ATM: variants seen among roughly 807,000 people sequenced by gnomAD.
ATM encodes serine-protein kinase ATM.
A neutral mutation model predicts 387.0 loss-of-function variants in ATM; 308 were observed. That is an observed-to-expected ratio of 0.80 (90% CI 0.73 to 0.87). ATM has a LOEUF of 0.87. Ranked by LOEUF, ATM falls within the 40% of genes least tolerant of loss-of-function variation. The probability of loss-of-function intolerance (pLI) is 0.00; values close to 1 mark genes in which losing one functional copy is unlikely to be tolerated. For synonymous variants in ATM, 1,156 were observed against 1,187.3 expected (o/e 0.97, Z 0.54); for missense variants, 3,312 against 3,560.9 (o/e 0.93, Z 1.78).
chr11:108,338,163 A>G (rs919924483), intron 56 of ATM, among the ~76,000 whole-genome samples: 4 of 152,230 alleles, frequency 2.6e-5, no homozygotes, highest in African/African-American at 9.6e-5. Context: ...AGCCTGGCCA[A>G]CATGGCCAAA....
Position 108,301,754 on chromosome 11 carries a change from G to A in ATM, c.5284G>A (p.Ala1762Thr), listed in dbSNP as rs2083444037. Residue 1762 changes from alanine (A) to threonine (T), a missense_variant, in exon 35 of 63, where the codon GCC becomes ACC. Physicochemically the swap from Ala to Thr is moderately conservative, Grantham distance 58. This residue lies in a region of ATM where 1,405 missense variants were observed against 1,604.4 expected (regional missense o/e 0.88). Coordinates refer to ENST00000675843, the MANE Select transcript of ATM (RefSeq NM_000051.4). ...TAAGATGACAACAGATCCAATGCTGGCCTATCTACAGCCTTTTAGAACATC... is the reference window on the plus strand; with the variant it reads ...TAAGATGACAACAGATCCAATGCTGACCTATCTACAGCCTTTTAGAACATC... ...IYKMTTDPMLAYLQPFRTSRK... is the reference protein window; with the variant it reads ...IYKMTTDPMLTYLQPFRTSRK... 6.2e-7 allele frequency: 1 copy of A among 1,613,594 alleles called. No individual in the cohort carries two copies. The highest frequency in any genetic ancestry group is 8.5e-7 in the Non-Finnish European group (1 of 1,179,730).
intron 1 of ATM, chr11:108,225,999 G>T (rs1417548726): frequency 6.6e-6 from 1 of 151,998 alleles, no homozygotes; most frequent in Non-Finnish European, 1.5e-5. Flanking sequence ...TACTTCTTGA[G>T]ATATAGTTAT....
At chr11:108,339,069 A>G (rs2087180908) in intron 56 of ATM, among the ~76,000 whole-genome samples, 1 of 152,208 alleles carries the variant, frequency 6.6e-6, no homozygotes, top group African/African-American at 2.4e-5. Flanking sequence ...GGCATGCCAG[A>G]TATCTCTTGT....
At position 108,359,837 on chromosome 11, in the gene ATM, G is replaced by T. The variant is rs182456798; in HGVS notation, c.8850+4963G>T. Among the ~76,000 whole-genome samples, 1,216 of 152,162 alleles carry T rather than the reference G, an allele frequency of 8.0e-3. 8 individuals are homozygous for T. Among genetic ancestry groups the T allele is most frequent in the African/African-American group, 0.025 (1,037 of 41,510 alleles). On this transcript the variant is annotated intron_variant, in intron 61 of 62. Transcript: ENST00000675843. ...TTTATAGCACTAAATGCCCACAAGA[G>T]AAAGCAGGAAAGATCCAAAACTGAC...
intron 16 of ATM, 122 bp from the exon 17 acceptor site, chr11:108,267,049 G>C (rs546030478): frequency 1.0e-6 from 1 of 983,076 alleles, no homozygotes; most frequent in Non-Finnish European, 1.6e-6. Context: ...ACCTGGCTCT[G>C]CCTCCCAAAT....
At chr11:108,243,322 A>G (rs1012463151) in intron 5 of ATM, among the ~76,000 whole-genome samples, 7 of 151,378 alleles carry the variant, frequency 4.6e-5, no homozygotes, top group Non-Finnish European at 1.0e-4. Context: ...TATTTTAAAA[A>G]ACTGTGGAGG....
At chr11:108,288,924 A>G in intron 27 of ATM, 53 bp from the exon 28 acceptor site, 1 of 1,608,850 alleles carries the variant, frequency 6.2e-7, no homozygotes. Context: ...TCACTGGTCT[A>G]TGAACAAAAC....
In ATM at chr11:108,267,354, T is replaced by C. The variant is rs769172505; in HGVS notation, c.2638+12T>C. 6.2e-7 allele frequency: 1 copy of C among 1,612,922 alleles called. No homozygotes were observed. Among genetic ancestry groups the C allele is most frequent in the South Asian group, 1.1e-5 (1 of 91,030 alleles). Reference sequence around the variant, plus strand: ...CCAAAGTACCATAGGTAAATACATATTTACTACTTGGGATTTCTTTTACTT... The same window carrying C: ...CCAAAGTACCATAGGTAAATACATACTTACTACTTGGGATTTCTTTTACTT... On this transcript the variant is annotated intron_variant, in intron 17 of 62. Coordinates refer to ENST00000675843, the MANE Select transcript of ATM (RefSeq NM_000051.4).
chr11:108,348,238 T>A (rs1182707837), intron 59 of ATM, among the ~76,000 whole-genome samples: 5 of 151,574 alleles, frequency 3.3e-5, no homozygotes. Context: ...ATATAGACAG[T>A]TTAATATAAA....
Position 108,253,824 on chromosome 11 carries a change from CA to C in ATM, c.1914del (p.Asp639IlefsTer10), listed in dbSNP as rs2080292910. On this transcript the variant is annotated frameshift_variant, in exon 13 of 63. Transcript: ENST00000675843. LOFTEE classifies it high-confidence loss of function. ...FQSVPECEHHQKDKEELSFSE... is the reference protein window; with the variant it reads ...FQSVPECEHHXKDKEELSFSE... Reference sequence around the variant, plus strand: ...CTTACTTTCTTGAAGTGAACACCACCAAAAAGATAAAGAAGAACTTTCATTC... The same window carrying C: ...CTTACTTTCTTGAAGTGAACACCACCAAAAGATAAAGAAGAACTTTCATTC... 6.2e-7 allele frequency: 1 copy of C among 1,613,148 alleles called. No homozygotes were observed. Among genetic ancestry groups the C allele is most frequent in the Non-Finnish European group, 8.5e-7 (1 of 1,179,700 alleles).
At chr11:108,258,861 A>ATCTT in intron 15 of ATM, 125 bp from the exon 16 acceptor site, 1 of 718,800 alleles carries the variant, frequency 1.4e-6, no homozygotes, top group South Asian at 1.6e-5. Context: ...TTGAAGCAGC[A>ATCTT]TATATATTGG....
chr11:108,247,846 G>A (rs374899090), intron 8 of ATM, among the ~76,000 whole-genome samples: 42 of 151,268 alleles, frequency 2.8e-4, no homozygotes, highest in South Asian at 6.3e-4. Flanking sequence ...CTCCTGCATC[G>A]GCCTCCCATA....
At chr11:108,278,498 T>G (rs962047302) in intron 22 of ATM, among the ~76,000 whole-genome samples, 1 of 152,172 alleles carries the variant, frequency 6.6e-6, no homozygotes, top group African/African-American at 2.4e-5. Flanking sequence ...TTGTTAGATT[T>G]TGTCTTAGTC....
intron 1 of ATM, chr11:108,226,278 T>G (rs185383062): frequency 6.6e-6 from 1 of 152,288 alleles, no homozygotes; most frequent in East Asian, 1.9e-4. Flanking sequence ...TAGGTAGCCC[T>G]TCAAGCCATA....
chr11:108,260,960 T>C (rs1197239957), intron 16 of ATM, among the ~76,000 whole-genome samples: 2 of 152,194 alleles, frequency 1.3e-5, no homozygotes, highest in African/African-American at 2.4e-5. Context: ...CACGAGATTA[T>C]ATCCCGCACC....
At chr11:108,300,775 C>A (rs1359706550) in intron 34 of ATM, among the ~76,000 whole-genome samples, 1 of 151,952 alleles carries the variant, frequency 6.6e-6, no homozygotes, top group Non-Finnish European at 1.5e-5. Context: ...ATAGTAAACA[C>A]CCATATGCTT....
intron 11 of ATM, 59 bp from the exon 12 acceptor site, chr11:108,252,758 A>G: frequency 8.5e-7 from 1 of 1,177,176 alleles, no homozygotes; most frequent in Non-Finnish European, 1.3e-6. Context: ...GTTAAAGTTT[A>G]AAGTATTCTT....
intron 56 of ATM, among the ~76,000 whole-genome samples, chr11:108,341,670 T>A (rs528779857): frequency 6.6e-6 from 1 of 152,256 alleles, no homozygotes; most frequent in African/African-American, 2.4e-5. Context: ...AATATAATAA[T>A]GTTAATTAGA....
rs1281817400 is a variant in ATM, at chr11:108,250,966, C to T, written c.1501C>T (p.Gln501Ter). The T allele has an allele frequency of 6.2e-7, 1 of 1,614,082 alleles. No individual in the cohort carries two copies. The highest frequency in any genetic ancestry group is 8.5e-7 in the Non-Finnish European group (1 of 1,179,998). ...TCGTGGTATAAGTTCTGAGCAAATACAAGCTGAAAACTTTGGCTTACTTGG... is the reference window on the plus strand; with the variant it reads ...TCGTGGTATAAGTTCTGAGCAAATATAAGCTGAAAACTTTGGCTTACTTGG... ...TFRGISSEQI[Q>*]AENFGLLGAI... The change falls in exon 10 of 63, where the codon CAA becomes TAA. Residue 501 changes from glutamine to a stop codon, truncating the protein, a stop_gained. Transcript: ENST00000675843. LOFTEE classifies it high-confidence loss of function.
Sources: allele counts gnomAD v4.1 joint callset (sites outside exome capture counted in the v4.1 genomes callset), GRCh38; gene constraint gnomAD v4.1.1; regional missense constraint gnomAD v4.1.1; transcripts MANE v1.5; gene names NCBI Gene and HGNC (gene_info 2026-07-23, HGNC 2026-07-21).